The following NCAPD3 variants were observed in gnomAD, a reference collection of about 807,000 sequenced individuals.
NCAPD3 encodes condensin-2 complex subunit D3.
NCAPD3 carries 105 observed loss-of-function variants against 182.9 expected under a neutral mutation model. The ratio of observed to expected loss-of-function variants is 0.57; its 90% CI spans 0.49 to 0.68. The LOEUF is 0.68. Ranked by LOEUF, NCAPD3 falls within the 30% of genes least tolerant of loss-of-function variation. The pLI is 0.00. For missense variants in NCAPD3, 1,944 were observed against 1,837.0 expected (o/e 1.06, Z -1.07); for synonymous variants, 815 against 679.9 (o/e 1.20, Z -3.09).
chr11:134,153,679 C>T (rs1326510611), intron 32 of NCAPD3: 3 of 422,490 alleles, frequency 7.1e-6, no homozygotes, highest in Non-Finnish European at 1.3e-5. Context: ...CCGCCCTGTC[C>T]CACTTACTAC....
chr11:134,208,234 A>AT (rs1018281812), intron 7 of NCAPD3, among the ~76,000 whole-genome samples: 3 of 152,224 alleles, frequency 2.0e-5, no homozygotes, highest in Admixed American at 6.5e-5. Context: ...GGTCCAACAC[A>AT]TTTTTTTGCA....
rs1267307720 is a variant in NCAPD3, at chr11:134,216,989, C to T, written c.329G>A (p.Arg110Gln). Residue 110 changes from arginine to glutamine, a missense_variant, in exon 3 of 35, where the codon CGA (arginine) becomes CAA (glutamine). Physicochemically the swap from Arg to Gln is conservative, Grantham distance 43. Transcript: ENST00000534548. ...VHKKNVSVQY[R>Q]EYGLHAAGLY... ...CCCAGCGGCATGAAGGCCATATTCT[C>T]GATACTGTACACTGACATTCTTCTT... is the stretch of plus-strand genomic sequence containing the variant. 2 of 1,613,794 alleles carry T rather than the reference C, an allele frequency of 1.2e-6. No individual in the cohort carries two copies. Among genetic ancestry groups the T allele is most frequent in the Non-Finnish European group, 8.5e-7 (1 of 1,179,892 alleles).
At chr11:134,224,411 G>A (rs1591873197), upstream of NCAPD3, 1 of 175,322 alleles carries the variant, frequency 5.7e-6, no homozygotes, top group South Asian at 1.0e-4. Context: ...AGTAATAAGG[G>A]AAAAGTAGCC....
chr11:134,176,528 T>G lies in NCAPD3; in HGVS notation c.3022-142A>C, dbSNP rs1009877651. 45 of 674,706 alleles carry G rather than the reference T, an allele frequency of 6.7e-5. No individual in the cohort carries two copies. The African/African-American group carries it at 7.0e-4, about 11-fold the overall frequency. 41.8% of individuals were successfully genotyped at this position (674,706 alleles called of 1,614,324 possible). A position where few individuals can be genotyped will look rare whatever the true frequency, so the allele number is the denominator to read the frequency against. ...GGCACACACTTCCAAACCGTCGGAA[T>G]GTAGTGCCGAGAAGTGTATGTGCAG... On this transcript the variant is annotated intron_variant, in intron 23 of 34. Coordinates refer to ENST00000534548, the MANE Select transcript of NCAPD3 (RefSeq NM_015261.3).
intron 29 of NCAPD3, among the ~76,000 whole-genome samples, chr11:134,159,237 C>T (rs894660783): frequency 6.6e-6 from 1 of 152,234 alleles, no homozygotes; most frequent in Non-Finnish European, 1.5e-5. Context: ...AACCTCTATA[C>T]TGTTCTCCAT....
rs1466861255 is a variant in NCAPD3 at position 134,158,197 on chromosome 11, C to A, written c.4035-130G>T. ...CCACCCTCATTCAAACCTCCCAGGGCACAGTGTGGAGCGGGGTGGCAGGCC... is the reference window on the plus strand; with the variant it reads ...CCACCCTCATTCAAACCTCCCAGGGAACAGTGTGGAGCGGGGTGGCAGGCC... On this transcript the variant is annotated intron_variant, in intron 30 of 34. Transcript: ENST00000534548. 6.6e-6 allele frequency: 10 copies of A among 1,522,120 alleles called. No homozygotes were observed. The South Asian group carries it at 1.1e-4, about 17-fold the overall frequency. 94.3% of individuals were successfully genotyped at this position (1,522,120 alleles called of 1,614,324 possible).
chr11:134,165,898 G>T (rs1381584026), intron 27 of NCAPD3, among the ~76,000 whole-genome samples: 22 of 118,816 alleles, frequency 1.9e-4, no homozygotes, highest in East Asian at 5.8e-4. Flanking sequence ...TTGGGGGAGG[G>T]GCACACTCAC....
chr11:134,220,609 AG>A lies in NCAPD3; in HGVS notation c.181del (p.Leu61PhefsTer39), dbSNP rs754166644. On this transcript the variant is annotated frameshift_variant, in exon 2 of 35. Transcript: ENST00000534548. LOFTEE classifies it high-confidence loss of function. ...ATGTTCTCCAGTAGCAAAGGGTAAA[AG>A]GCTTTCATAGAGTTTTGTGAATGCA... Reference protein sequence around the residue: ...LAAFTKLYESLLPFATGEHGS... With the variant: ...LAAFTKLYESXLPFATGEHGS... The A allele has an allele frequency of 6.2e-7, 1 of 1,614,068 alleles. No individual in the cohort carries two copies. The highest frequency in any genetic ancestry group is 8.5e-7 in the Non-Finnish European group (1 of 1,179,938).
intron 27 of NCAPD3, among the ~76,000 whole-genome samples, chr11:134,163,454 C>A (rs1943651307): frequency 6.6e-6 from 1 of 152,050 alleles, no homozygotes; most frequent in Non-Finnish European, 1.5e-5. Context: ...AATCCCAGCA[C>A]TTTGGAAGGC....
chr11:134,209,074 T>A, intron 6 of NCAPD3, 71 bp downstream of exon 6: 1 of 1,524,506 alleles, frequency 6.6e-7, no homozygotes, highest in Non-Finnish European at 9.0e-7. Flanking sequence ...AAAATGGTAT[T>A]TCCATTTCTG....
chr11:134,193,474 C>T (rs975285831), intron 15 of NCAPD3, among the ~76,000 whole-genome samples: 1 of 152,124 alleles, frequency 6.6e-6, no homozygotes, highest in African/African-American at 2.4e-5. Flanking sequence ...AGAAAAGGGC[C>T]GGGTGCAGTC....
rs1943248722 is a variant in NCAPD3 at position 134,151,884 on chromosome 11, G to GAGGTC, written c.*1055_*1059dup. On this transcript the variant is annotated 3_prime_UTR_variant, in exon 35 of 35. Transcript: ENST00000534548. ...CACCAGGGAAGTCAGTGCTGGGCAG[G>GAGGTC]AGGTCAGCCTGTGTGCTCAAGAGCA... 6.6e-6 allele frequency: 1 copy of GAGGTC among 152,204 alleles called. No individual in the cohort carries two copies. Among genetic ancestry groups the GAGGTC allele is most frequent in the East Asian group, 1.9e-4 (1 of 5,194 alleles). The allele number at this position is 152,204 out of a possible 1,614,324, so 9.4% of individuals were successfully genotyped here.
intron 32 of NCAPD3, among the ~76,000 whole-genome samples, chr11:134,155,027 C>A (rs115908902): frequency 0.016 from 2,425 of 152,284 alleles, 61 homozygotes; most frequent in African/African-American, 0.053. Flanking sequence ...ATTAGTCTCC[C>A]ATCTTTACAG....
chr11:134,167,866 A>C, intron 27 of NCAPD3, 130 bp downstream of exon 27: 1 of 903,318 alleles, frequency 1.1e-6, no homozygotes, highest in South Asian at 1.6e-5. Flanking sequence ...CACACTCGTG[A>C]GATGAGCTTG....
intron 31 of NCAPD3, among the ~76,000 whole-genome samples, chr11:134,157,356 T>TTTTAAA (rs1299268238): frequency 6.6e-6 from 1 of 152,238 alleles, no homozygotes; most frequent in African/African-American, 2.4e-5. Flanking sequence ...TATCCAAAGT[T>TTTTAAA]TTTAAATATC....
chr11:134,193,839 A>T lies in NCAPD3; in HGVS notation c.1824+177T>A, dbSNP rs370401611. Among the ~76,000 whole-genome samples the T allele has an allele frequency of 4.6e-5, 7 of 152,378 alleles. No homozygotes were observed. The East Asian group carries it at 7.7e-4, about 17-fold the overall frequency. On this transcript the variant is annotated intron_variant, in intron 15 of 34. Coordinates refer to ENST00000534548, the MANE Select transcript of NCAPD3 (RefSeq NM_015261.3). ...TAGTTCCTAATTATGTTTAATAGGA[A>T]GCACAGTCTATCACACATAATTCAA...
chr11:134,208,950 C>A lies in NCAPD3; in HGVS notation c.796G>T (p.Ala266Ser), dbSNP rs1184474977. 1 of 1,597,508 alleles carries A rather than the reference C, an allele frequency of 6.3e-7. No individual in the cohort carries two copies. Among genetic ancestry groups the A allele is most frequent in the African/African-American group, 1.4e-5 (1 of 73,890 alleles). Residue 266 changes from alanine to serine, a missense_variant and splice_region_variant, in exon 7 of 35, where the codon GCT becomes TCT. Physicochemically the swap from Ala to Ser is moderately conservative, Grantham distance 99. Coordinates refer to ENST00000534548, the MANE Select transcript of NCAPD3 (RefSeq NM_015261.3). ...LHECHVTQAR[A>S]LNQAKYIPEL... The stretch of plus-strand genomic sequence containing the variant: ...GGTATGTATTTTGCTTGGTTAAGAG[C>A]TCTAAAAAAAAAAGACGAAATATTA...
At chr11:134,219,248 A>G (rs1938137557) in intron 2 of NCAPD3, among the ~76,000 whole-genome samples, 1 of 152,178 alleles carries the variant, frequency 6.6e-6, no homozygotes, top group Non-Finnish European at 1.5e-5. Flanking sequence ...GAACTTTCCC[A>G]ACCCTACCAT....
chr11:134,160,127 G>C lies in NCAPD3; in HGVS notation c.3685-53C>G. On this transcript the variant is annotated intron_variant, in intron 28 of 34. Coordinates refer to ENST00000534548, the MANE Select transcript of NCAPD3 (RefSeq NM_015261.3). ...ATGTTTTCTTGAATAAAAACGTAAA[G>C]CCCTAAACCCCCACGACACACCTTC... The C allele has an allele frequency of 3.2e-6, 5 of 1,581,026 alleles. No homozygotes were observed. In the South Asian group the frequency reaches 5.7e-5, roughly 18 times the overall value.
Sources: allele counts gnomAD v4.1 joint callset (sites outside exome capture counted in the v4.1 genomes callset), GRCh38; gene constraint gnomAD v4.1.1; transcripts MANE v1.5; gene names NCBI Gene and HGNC (gene_info 2026-07-23, HGNC 2026-07-21).